PRKN: variants seen among roughly 807,000 people sequenced by gnomAD.
PRKN encodes parkin RBR E3 ubiquitin protein ligase.
A neutral mutation model predicts 59.5 loss-of-function variants in PRKN; 56 were observed. That is an observed-to-expected ratio of 0.94 (90% CI 0.76 to 1.18). The LOEUF is 1.18. Among genes scored for constraint, PRKN ranks in the 50% most tolerant of loss-of-function variants. The pLI is 0.00. For missense variants in PRKN, 657 were observed against 596.4 expected, an observed-to-expected ratio of 1.10 and a Z score of -1.06; for synonymous variants, 250 against 222.1, an observed-to-expected ratio of 1.13 and a Z score of -1.12.
chr6:161,646,390 C>G (rs908997461), intron 7 of PRKN, among the ~76,000 whole-genome samples: 1 of 115,078 alleles, frequency 8.7e-6, no homozygotes, highest in Admixed American at 8.6e-5. Flanking sequence ...CGTGTGCGTG[C>G]GTGGCGGAGG....
At chr6:161,795,167 A>G (rs1314846777) in intron 6 of PRKN, among the ~76,000 whole-genome samples, 2 of 150,866 alleles carry the variant, frequency 1.3e-5, no homozygotes, top group African/African-American at 4.9e-5. Flanking sequence ...TACAGGCATG[A>G]GTCACCGTGC....
chr6:162,272,342 C>T (rs569681951), intron 2 of PRKN, among the ~76,000 whole-genome samples: 1 of 152,022 alleles, frequency 6.6e-6, no homozygotes, highest in Non-Finnish European at 1.5e-5. Flanking sequence ...GCAAGAAATG[C>T]CTCAAGTATC....
In PRKN at chr6:161,398,568, G is replaced by T. The variant is rs146510867; in HGVS notation, c.1084-11691C>A. ...CCTACTCAGGAACTCCACTCAGAAT[G>T]TATGCTGTGCATTGCTGGAGCCTGC... On this transcript the variant is annotated intron_variant, in intron 9 of 11. Transcript: ENST00000366898. 2.6e-5 allele frequency among the ~76,000 whole-genome samples: 4 copies of T among 152,284 alleles called. No homozygotes were observed. In the East Asian group the frequency reaches 7.7e-4, roughly 29 times the overall value.
chr6:162,532,287 T>C (rs895557129), intron 1 of PRKN, among the ~76,000 whole-genome samples: 1 of 145,128 alleles, frequency 6.9e-6, no homozygotes, highest in Non-Finnish European at 1.6e-5. Flanking sequence ...TATGCACTTA[T>C]GATATATGCA....
intron 7 of PRKN, among the ~76,000 whole-genome samples, chr6:161,742,662 T>G (rs74746052): frequency 0.026 from 3,940 of 152,310 alleles, 181 homozygotes; most frequent in African/African-American, 0.091. Flanking sequence ...GCTCATCCCC[T>G]TCACTTTTTT....
intron 1 of PRKN, among the ~76,000 whole-genome samples, chr6:162,458,028 G>A (rs1258736314): frequency 2.0e-5 from 3 of 151,652 alleles, no homozygotes; most frequent in East Asian, 1.9e-4. Context: ...GGCTGAGGTG[G>A]GTGGATCACG....
chr6:162,288,278 C>T (rs534197437), intron 2 of PRKN, among the ~76,000 whole-genome samples: 22 of 152,170 alleles, frequency 1.4e-4, no homozygotes, highest in African/African-American at 4.6e-4. Context: ...TAGTAGGCAG[C>T]GGTCTAAGGT....
At chr6:161,585,482 A>G (rs1781489580) in intron 7 of PRKN, among the ~76,000 whole-genome samples, 1 of 152,248 alleles carries the variant, frequency 6.6e-6, no homozygotes, top group African/African-American at 2.4e-5. Flanking sequence ...AAGAGAAATT[A>G]AAACCCAAGA....
At chr6:162,002,946 A>G (rs1163155697) in intron 5 of PRKN, among the ~76,000 whole-genome samples, 7 of 152,086 alleles carry the variant, frequency 4.6e-5, no homozygotes, top group Non-Finnish European at 8.8e-5. Flanking sequence ...TTCTGTCATT[A>G]TAGTGTAATT....
At chr6:162,352,950 A>C (rs1784684599) in intron 2 of PRKN, among the ~76,000 whole-genome samples, 1 of 152,202 alleles carries the variant, frequency 6.6e-6, no homozygotes, top group Admixed American at 6.5e-5. Context: ...TTTAAAACAA[A>C]AATGTGGGTT....
intron 4 of PRKN, among the ~76,000 whole-genome samples, chr6:162,125,546 C>T (rs910179712): frequency 2.6e-5 from 4 of 152,216 alleles, no homozygotes; most frequent in Admixed American, 6.5e-5. Flanking sequence ...GGTTAGAACA[C>T]GATTACCCCT....
intron 1 of PRKN, among the ~76,000 whole-genome samples, chr6:162,610,908 A>G (rs1324923609): frequency 6.6e-6 from 1 of 152,208 alleles, no homozygotes; most frequent in Non-Finnish European, 1.5e-5. Flanking sequence ...ATATGCAATT[A>G]GAATAAAGTT....
chr6:162,053,829 A>C (rs1777748202), intron 5 of PRKN, among the ~76,000 whole-genome samples: 1 of 152,150 alleles, frequency 6.6e-6, no homozygotes, highest in African/African-American at 2.4e-5. Context: ...TATGGATATA[A>C]CTTTGCAATG....
chr6:161,679,358 A>AG (rs1252521465), intron 7 of PRKN, among the ~76,000 whole-genome samples: 1 of 152,116 alleles, frequency 6.6e-6, no homozygotes, highest in Non-Finnish European at 1.5e-5. Context: ...AAATCCTGGG[A>AG]GGGTCTGCTT....
In PRKN at chr6:161,385,136, G is replaced by T. The variant is rs929624720; in HGVS notation, c.1167+1658C>A. Among the ~76,000 whole-genome samples, 1 of 152,090 alleles carries T rather than the reference G, an allele frequency of 6.6e-6. No homozygotes were observed. Among genetic ancestry groups the T allele is most frequent in the Non-Finnish European group, 1.5e-5 (1 of 68,022 alleles). On this transcript the variant is annotated intron_variant, in intron 10 of 11. Coordinates refer to ENST00000366898, the MANE Select transcript of PRKN (RefSeq NM_004562.3). The surrounding 1 kb of genome is among the most constrained non-coding windows in gnomAD (Gnocchi z 4.9). Reference sequence around the variant, plus strand: ...GTAGAGACGGGGTTTCACCATGTTGGCCAGGCTGATCTCAATCTCTTGACC... The same window carrying T: ...GTAGAGACGGGGTTTCACCATGTTGTCCAGGCTGATCTCAATCTCTTGACC...
intron 6 of PRKN, among the ~76,000 whole-genome samples, chr6:161,825,473 C>A (rs1295872622): frequency 6.6e-6 from 1 of 152,172 alleles, no homozygotes; most frequent in Non-Finnish European, 1.5e-5. Context: ...TCCTTCTGGT[C>A]TGGGCTGCTC....
At chr6:162,315,585 T>C (rs1001652026) in intron 2 of PRKN, among the ~76,000 whole-genome samples, 1 of 152,164 alleles carries the variant, frequency 6.6e-6, no homozygotes, top group Non-Finnish European at 1.5e-5. Context: ...GCCTTCAACA[T>C]AGCAATGATT....
chr6:162,171,607 C>A (rs1783279872), intron 4 of PRKN, among the ~76,000 whole-genome samples: 1 of 152,062 alleles, frequency 6.6e-6, no homozygotes, highest in Non-Finnish European at 1.5e-5. Context: ...CTTTTAGTTT[C>A]TTTCGTAGGG....
intron 4 of PRKN, among the ~76,000 whole-genome samples, chr6:162,139,453 G>A (rs891693079): frequency 6.6e-5 from 10 of 152,282 alleles, no homozygotes; most frequent in Middle Eastern, 6.8e-3. Context: ...ACAGGCACAG[G>A]GAAGAGACAA....
Sources: allele counts gnomAD v4.1 joint callset (sites outside exome capture counted in the v4.1 genomes callset), GRCh38; gene constraint gnomAD v4.1.1; non-coding constraint Gnocchi (gnomAD v3.1); transcripts MANE v1.5; gene names NCBI Gene and HGNC (gene_info 2026-07-23, HGNC 2026-07-21).